TENM4: variants seen among roughly 807,000 people sequenced by gnomAD.
The protein encoded by TENM4 is teneurin-4.
A neutral mutation model predicts 243.3 loss-of-function variants in TENM4; 82 were observed. The ratio of observed to expected loss-of-function variants is 0.34; its 90% confidence interval spans 0.28 to 0.40. The LOEUF is 0.40. TENM4 is among the 10% of genes least tolerant of loss of function. TENM4 has a pLI of 1.00. For synonymous variants in TENM4, 1,412 were observed against 1,456.3 expected, an observed-to-expected ratio of 0.97 and a Z score of 0.69; for missense variants, 3,138 against 3,673.3, an observed-to-expected ratio of 0.85 and a Z score of 3.77.
chr11:78,689,655 G>A (rs1237010792), intron 28 of TENM4, among the ~76,000 whole-genome samples: 3 of 152,078 alleles, frequency 2.0e-5, no homozygotes, highest in Non-Finnish European at 2.9e-5. Flanking sequence ...TGGTATCAGG[G>A]GAGACTTGGT....
At chr11:79,036,674 T>C (rs898424835) in intron 6 of TENM4, among the ~76,000 whole-genome samples, 2 of 152,124 alleles carry the variant, frequency 1.3e-5, no homozygotes, top group African/African-American at 4.8e-5. Flanking sequence ...TGAGTTGATG[T>C]TGTAGGTGGA....
At chr11:79,108,275 C>T (rs1198944371) in intron 4 of TENM4, among the ~76,000 whole-genome samples, 7 of 152,202 alleles carry the variant, frequency 4.6e-5, no homozygotes, top group African/African-American at 7.2e-5. Context: ...CTTGATAATA[C>T]GAGTGGCCTC....
At chr11:79,069,701 C>T in intron 5 of TENM4, 21 bp downstream of exon 5, 1 of 1,538,910 alleles carries the variant, frequency 6.5e-7, no homozygotes, top group Non-Finnish European at 8.8e-7. Flanking sequence ...CTGAGGCCCG[C>T]CCCCTCGGCC....
At chr11:78,702,538 A>T (rs902062269) in intron 27 of TENM4, 135 bp from the exon 28 acceptor site, 1 of 1,074,780 alleles carries the variant, frequency 9.3e-7, no homozygotes, top group African/African-American at 1.6e-5. Flanking sequence ...GCAGCCTATC[A>T]TCAACAATGA....
At chr11:79,341,580 TG>T (rs936721610) in intron 1 of TENM4, among the ~76,000 whole-genome samples, 1 of 152,216 alleles carries the variant, frequency 6.6e-6, no homozygotes, top group African/African-American at 2.4e-5. Context: ...GCAGTGATTA[TG>T]TATGTAAGCG....
At chr11:79,120,177 G>T (rs1861712465) in intron 4 of TENM4, among the ~76,000 whole-genome samples, 1 of 152,220 alleles carries the variant, frequency 6.6e-6, no homozygotes, top group African/African-American at 2.4e-5. Flanking sequence ...CAGCTGAAAG[G>T]ACTTCAGTGA....
chr11:78,718,082 T>C (rs1859562397), intron 25 of TENM4, among the ~76,000 whole-genome samples: 1 of 152,178 alleles, frequency 6.6e-6, no homozygotes, highest in Non-Finnish European at 1.5e-5. Flanking sequence ...CCAGACATAT[T>C]ACTGGGAGTG....
chr11:79,058,457 A>G (rs753512375), intron 6 of TENM4, among the ~76,000 whole-genome samples: 22 of 151,908 alleles, frequency 1.4e-4, no homozygotes, highest in Admixed American at 5.2e-4. Context: ...AGGCAGGAGA[A>G]TGGCATGAAC....
At chr11:79,161,070 T>C (rs191870375) in intron 3 of TENM4, among the ~76,000 whole-genome samples, 1 of 152,198 alleles carries the variant, frequency 6.6e-6, no homozygotes, top group African/African-American at 2.4e-5. Context: ...TTGAACAGCA[T>C]GTTAGAAAAA....
In TENM4 at chr11:78,891,246, G is replaced by C; in HGVS notation, c.840C>G (p.Tyr280Ter). ...ILGASRHDGAYSDGHFLFKPG... is the reference protein window; with the variant it reads ...ILGASRHDGA ...ATGGGGATGTCACCTACCCGTCACT[G>C]TAAGCCCCATCATGGCGGGAGGCGC... is the stretch of plus-strand genomic sequence containing the variant. The change falls in exon 8 of 34, where the codon TAC becomes TAG. Residue 280 changes from tyrosine (Y) to a stop codon, truncating the protein, a stop_gained. Coordinates refer to ENST00000278550, the MANE Select transcript of TENM4 (RefSeq NM_001098816.3). LOFTEE classifies it high-confidence loss of function. 1.9e-6 allele frequency: 3 copies of C among 1,551,676 alleles called. No individual in the cohort carries two copies. Among genetic ancestry groups the C allele is most frequent in the Non-Finnish European group, 8.7e-7 (1 of 1,146,994 alleles).
chr11:78,924,099 C>T (rs181210477), intron 6 of TENM4, among the ~76,000 whole-genome samples: 1 of 152,192 alleles, frequency 6.6e-6, no homozygotes, highest in African/African-American at 2.4e-5. Flanking sequence ...AGGTGATCCA[C>T]CTGCCTTGGC....
chr11:79,247,505 G>A (rs1016403758), intron 2 of TENM4, among the ~76,000 whole-genome samples: 5 of 150,838 alleles, frequency 3.3e-5, no homozygotes, highest in African/African-American at 1.2e-4. Context: ...TTCCCTTTTC[G>A]ACTGCAGAAA....
At chr11:79,197,618 G>C (rs1863657561) in intron 3 of TENM4, among the ~76,000 whole-genome samples, 2 of 152,118 alleles carry the variant, frequency 1.3e-5, no homozygotes, top group Non-Finnish European at 1.5e-5. Context: ...GTGATTTCAT[G>C]TTCCCATTTG....
At chr11:78,996,469 C>G (rs1858175286) in intron 6 of TENM4, among the ~76,000 whole-genome samples, 1 of 152,110 alleles carries the variant, frequency 6.6e-6, no homozygotes, top group South Asian at 2.1e-4. Context: ...CATAAGAGAC[C>G]CTGAGCAGAA....
intron 1 of TENM4, among the ~76,000 whole-genome samples, chr11:79,404,557 T>C (rs1236429152): frequency 6.6e-6 from 1 of 152,226 alleles, no homozygotes. Flanking sequence ...CTGTGAATGT[T>C]TTAAACACCA....
rs928044221 is a variant in TENM4, at chr11:78,975,275, C to T, written c.494-71752G>A. Reference sequence around the variant, plus strand: ...ACAGATTGTTCTAACCTTGCCCACGCGCTGCCTCCAGAGGGGTGTGAGATG... The same window carrying T: ...ACAGATTGTTCTAACCTTGCCCACGTGCTGCCTCCAGAGGGGTGTGAGATG... On this transcript the variant is annotated intron_variant, in intron 6 of 33. Coordinates refer to ENST00000278550, the MANE Select transcript of TENM4 (RefSeq NM_001098816.3). Among the ~76,000 whole-genome samples the T allele has an allele frequency of 3.3e-5, 5 of 152,020 alleles. No homozygotes were observed. In the East Asian group the frequency reaches 9.8e-4, roughly 30 times the overall value.
intron 2 of TENM4, among the ~76,000 whole-genome samples, chr11:79,225,574 CT>C (rs539274601): frequency 6.6e-6 from 1 of 152,026 alleles, no homozygotes; most frequent in African/African-American, 2.4e-5. Flanking sequence ...ATGCTGGCTA[CT>C]TTTTTTGTAA....
intron 2 of TENM4, among the ~76,000 whole-genome samples, chr11:79,289,749 A>T (rs1264545354): frequency 1.3e-5 from 2 of 152,196 alleles, no homozygotes; most frequent in Non-Finnish European, 2.9e-5. Context: ...TGCACAAACT[A>T]TACCTCTCTC....
Position 78,929,241 on chromosome 11 carries a change from GCTGTCAGCTGAGGTTGAAATAGGACAA to G in TENM4, c.494-25745_494-25719del, listed in dbSNP as rs1473076394. Among the ~76,000 whole-genome samples the G allele has an allele frequency of 2.6e-5, 4 of 152,274 alleles. No homozygotes were observed. The East Asian group carries it at 7.7e-4, about 29-fold the overall frequency. The stretch of plus-strand genomic sequence containing the variant: ...CAGACACTCAAGGAGGGTGAACACG[GCTGTCAGCTGAGGTTGAAATAGGACAA>G]AGCAACAGCAATCAAACTGCTTCCA... On this transcript the variant is annotated intron_variant, in intron 6 of 33. Transcript: ENST00000278550.
Sources: gnomAD v4.1 joint callset for allele counts (sites outside exome capture counted in the v4.1 genomes callset) on GRCh38, gnomAD v4.1.1 for gene constraint, MANE v1.5 for transcripts, NCBI Gene and HGNC (gene_info 2026-07-23, HGNC 2026-07-21) for gene names.